The following CUL2 variants were observed in gnomAD, a reference collection of about 807,000 sequenced individuals.
CUL2 encodes the protein cullin-2.
In CUL2, 22 loss-of-function variants were observed where a neutral mutation model predicts 110.2. That is an observed-to-expected ratio of 0.20 (90% confidence interval 0.14 to 0.28). CUL2 has a LOEUF of 0.28. Ranked by LOEUF, CUL2 falls within the 10% of genes least tolerant of loss-of-function variation. The pLI, the probability that CUL2 is intolerant of heterozygous loss-of-function variation, is 1.00. For missense variants in CUL2, 631 were observed against 905.5 expected, an observed-to-expected ratio of 0.70 and a Z score of 3.89; for synonymous variants, 279 against 293.2, an observed-to-expected ratio of 0.95 and a Z score of 0.49.
At chr10:35,033,759 A>C (rs1277225614) in intron 10 of CUL2, among the ~76,000 whole-genome samples, 4 of 141,398 alleles carry the variant, frequency 2.8e-5, no homozygotes, top group African/African-American at 8.0e-5. Flanking sequence ...ACAACAACAA[A>C]AAAAAAAAAA....
rs559376256 is a variant in CUL2 at position 35,064,002 on chromosome 10, A to T, written c.120-940T>A. 6.6e-5 allele frequency: 10 copies of T among 152,258 alleles called. No homozygotes were observed. The South Asian group carries it at 1.9e-3, about 28-fold the overall frequency. 9.4% of individuals were successfully genotyped at this position (152,258 alleles called of 1,614,324 possible). On this transcript the variant is annotated intron_variant, in intron 2 of 20. Coordinates refer to ENST00000374749, the MANE Select transcript of CUL2 (RefSeq NM_003591.4). Reference sequence around the variant, plus strand: ...CCACAGGAACAATGACACCAGAGCAACACAGAGGTCAGGACCTCCTGGTGG... The same window carrying T: ...CCACAGGAACAATGACACCAGAGCATCACAGAGGTCAGGACCTCCTGGTGG...
intron 16 of CUL2, among the ~76,000 whole-genome samples, chr10:35,027,145 T>C (rs1254694482): frequency 6.0e-5 from 4 of 67,068 alleles, no homozygotes; most frequent in African/African-American, 2.0e-4. Flanking sequence ...TTTAGATACT[T>C]TTTTTTTTTT....
At chr10:35,025,305 C>T in intron 16 of CUL2, 107 bp from the exon 17 acceptor site, 1 of 1,355,008 alleles carries the variant, frequency 7.4e-7, no homozygotes, top group Non-Finnish European at 9.6e-7. Context: ...TTAGAAGAGA[C>T]ATTAAAGCCC....
chr10:35,074,006 C>T (rs905750224), intron 1 of CUL2: 14 of 706,614 alleles, frequency 2.0e-5, no homozygotes, highest in East Asian at 2.7e-5. Context: ...GATTCAGACC[C>T]GTGCTGCGGC....
In CUL2 at chr10:35,054,489, A is replaced by G; in HGVS notation, c.368T>C (p.Leu123Pro). The G allele has an allele frequency of 6.3e-7, 1 of 1,596,628 alleles. No homozygotes were observed. Among genetic ancestry groups the G allele is most frequent in the Non-Finnish European group, 8.5e-7 (1 of 1,172,832 alleles). ...ATCTACACCACCATAGCCATACTGA[A>G]GGTCCGCTTCTGTTAATTTATTCTT... ...IKKNKLTEAD[L>P]QYGYGGVDMN... Residue 123 changes from leucine to proline, a missense_variant, in exon 5 of 21, where the codon CTT becomes CCT. Leu to Pro is a moderately conservative substitution (Grantham distance 98, BLOSUM62 -3). Around this residue, in one of 3 missense-constraint regions of CUL2, gnomAD observed 338 missense variants for 442.5 expected, o/e 0.76. Transcript: ENST00000374749.
At chr10:35,106,192 A>G (rs114090409) in intron 1 of CUL2, among the ~76,000 whole-genome samples, 4,074 of 152,268 alleles carry the variant, frequency 0.027, 177 homozygotes, top group African/African-American at 0.089. Flanking sequence ...TCACTTCTTC[A>G]GTCATGTGAG....
At chr10:35,113,181 C>CAAAAA (rs71660665) in intron 1 of CUL2, among the ~76,000 whole-genome samples, 25 of 36,620 alleles carry the variant, frequency 6.8e-4, no homozygotes, top group Non-Finnish European at 9.3e-4. Context: ...GACTCCATCT[C>CAAAAA]AAAAAAAAAA....
intron 9 of CUL2, among the ~76,000 whole-genome samples, chr10:35,035,525 T>C (rs2085600163): frequency 6.6e-6 from 1 of 152,230 alleles, no homozygotes; most frequent in East Asian, 1.9e-4. Flanking sequence ...TGAATACATA[T>C]ATTCTTCCCT....
intron 1 of CUL2, among the ~76,000 whole-genome samples, chr10:35,088,901 C>T (rs1169436674): frequency 2.6e-5 from 4 of 152,138 alleles, no homozygotes; most frequent in Non-Finnish European, 2.9e-5. Flanking sequence ...GTGGGCTGGG[C>T]GCAGTAGCTC....
At chr10:35,054,136 C>T (rs554811408) in intron 5 of CUL2, among the ~76,000 whole-genome samples, 3 of 152,270 alleles carry the variant, frequency 2.0e-5, no homozygotes, top group African/African-American at 7.2e-5. Flanking sequence ...TTGTCCCCTG[C>T]ACTTTTTAAC....
chr10:35,041,437 G>C (rs924583176), intron 8 of CUL2, among the ~76,000 whole-genome samples: 1 of 152,170 alleles, frequency 6.6e-6, no homozygotes, highest in African/African-American at 2.4e-5. Context: ...AGGCAGGAAG[G>C]CTGTACTGAC....
intron 1 of CUL2, among the ~76,000 whole-genome samples, chr10:35,080,583 G>A (rs1439712771): frequency 6.6e-6 from 1 of 151,880 alleles, no homozygotes; most frequent in Non-Finnish European, 1.5e-5. Flanking sequence ...TCAGCCTCCT[G>A]AGCAGCTGGG....
At chr10:35,048,150 A>G (rs1338401198) in intron 6 of CUL2, among the ~76,000 whole-genome samples, 2 of 152,172 alleles carry the variant, frequency 1.3e-5, no homozygotes, top group Non-Finnish European at 2.9e-5. Flanking sequence ...AATGCTTGGT[A>G]TGTAGTTCCC....
At chr10:35,098,857 C>A (rs867118838) in intron 2 of CUL2, among the ~76,000 whole-genome samples, 1 of 152,104 alleles carries the variant, frequency 6.6e-6, no homozygotes, top group South Asian at 2.1e-4. Context: ...TTGCTTGAAC[C>A]TAGGAGGCAG....
At chr10:35,054,691 G>A (rs1190098067) in intron 4 of CUL2, 152 bp from the exon 5 acceptor site, 2 of 470,978 alleles carry the variant, frequency 4.2e-6, no homozygotes, top group Non-Finnish European at 3.7e-6. Flanking sequence ...GTAGAGATTA[G>A]AAATATAATA....
At chr10:35,092,640 TAGTA>T (rs2087229204), upstream of CUL2, among the ~76,000 whole-genome samples, 1 of 152,206 alleles carries the variant, frequency 6.6e-6, no homozygotes, top group African/African-American at 2.4e-5. Context: ...CAAAACATGA[TAGTA>T]AGAGGAATCT....
intron 1 of CUL2, among the ~76,000 whole-genome samples, chr10:35,125,659 T>A (rs2087761326): frequency 6.6e-6 from 1 of 152,230 alleles, no homozygotes; most frequent in Non-Finnish European, 1.5e-5. Context: ...ATGAAACCGA[T>A]TTTTGTTATC....
At chr10:35,077,739 C>A (rs1035523913) in intron 1 of CUL2, among the ~76,000 whole-genome samples, 4 of 151,364 alleles carry the variant, frequency 2.6e-5, no homozygotes, top group African/African-American at 9.7e-5. Context: ...ATCGCTTGAA[C>A]CCAGGAGGCG....
chr10:35,071,102 T>C, intron 2 of CUL2, 97 bp downstream of exon 2: 1 of 1,194,574 alleles, frequency 8.4e-7, no homozygotes, highest in Non-Finnish European at 1.2e-6. Flanking sequence ...AGAAAATAGT[T>C]ACATGGGAAA....
Sources: gnomAD v4.1 joint callset for allele counts (sites outside exome capture counted in the v4.1 genomes callset) on GRCh38, gnomAD v4.1.1 for gene constraint, gnomAD v4.1.1 regional missense constraint, MANE v1.5 for transcripts, NCBI Gene and HGNC (gene_info 2026-07-23, HGNC 2026-07-21) for gene names.